The following L3MBTL4 variants were observed in gnomAD, a reference collection of about 807,000 sequenced individuals.
L3MBTL4 encodes the protein lethal(3)malignant brain tumor-like protein 4.
In L3MBTL4, 70 loss-of-function variants were observed where a neutral mutation model predicts 84.5. The observed-to-expected ratio is 0.83, with a 90% CI of 0.68 to 1.01. L3MBTL4 has a LOEUF of 1.01. L3MBTL4 is among the 50% of genes least tolerant of loss of function. The pLI, the probability that L3MBTL4 is intolerant of heterozygous loss-of-function variation, is 0.00. For synonymous variants in L3MBTL4, 274 were observed against 259.8 expected (o/e 1.05, Z -0.52); for missense variants, 715 against 754.8 (o/e 0.95, Z 0.62).
At chr18:6,116,947 T>C (rs1275318138) in intron 14 of L3MBTL4, among the ~76,000 whole-genome samples, 23 of 152,252 alleles carry the variant, frequency 1.5e-4, no homozygotes. Context: ...CATGTATCCC[T>C]ATGCAACACT....
intron 16 of L3MBTL4, among the ~76,000 whole-genome samples, chr18:6,004,997 A>ATG (rs2054398662): frequency 1.9e-5 from 1 of 52,150 alleles, no homozygotes; most frequent in Non-Finnish European, 3.5e-5. Context: ...TAAGATGATA[A>ATG]TTTTTTTTTT....
At chr18:6,239,218 G>A (rs2047348139) in intron 9 of L3MBTL4, among the ~76,000 whole-genome samples, 1 of 150,854 alleles carries the variant, frequency 6.6e-6, no homozygotes, top group South Asian at 2.1e-4. Flanking sequence ...GCGGGCGCCT[G>A]TAGTCCCAGC....
intron 4 of L3MBTL4, among the ~76,000 whole-genome samples, chr18:6,264,448 C>A (rs1038012272): frequency 4.6e-5 from 7 of 152,186 alleles, no homozygotes; most frequent in Non-Finnish European, 8.8e-5. Context: ...TCAATTGGCA[C>A]AACCTGTGGA....
At chr18:6,135,254 C>T (rs112049560) in intron 14 of L3MBTL4, among the ~76,000 whole-genome samples, 2,295 of 152,284 alleles carry the variant, frequency 0.015, 60 homozygotes, top group African/African-American at 0.052. Flanking sequence ...TCCTCCTGGG[C>T]CTCCAGGCCT....
At chr18:6,154,304 C>A (rs1233022407) in intron 13 of L3MBTL4, among the ~76,000 whole-genome samples, 2 of 152,110 alleles carry the variant, frequency 1.3e-5, no homozygotes, top group African/African-American at 4.8e-5. Context: ...TGCAACTATT[C>A]CTAGCTTTAA....
intron 18 of L3MBTL4, among the ~76,000 whole-genome samples, chr18:5,958,038 GAGGAGGAGA>G (rs1308169043): frequency 3.8e-4 from 52 of 138,666 alleles, no homozygotes; most frequent in East Asian, 2.2e-3. Flanking sequence ...AGAGGAGGAG[GAGGAGGAGA>G]AGGAGAAGGA....
chr18:6,195,752 C>A (rs2045347499), intron 12 of L3MBTL4, among the ~76,000 whole-genome samples: 1 of 152,214 alleles, frequency 6.6e-6, no homozygotes, highest in Non-Finnish European at 1.5e-5. Flanking sequence ...TTAATTTCTG[C>A]AGCTGTCTGT....
intron 16 of L3MBTL4, among the ~76,000 whole-genome samples, chr18:6,003,078 A>ATT (rs1194611131): frequency 5.4e-4 from 57 of 106,478 alleles, no homozygotes; most frequent in Admixed American, 8.9e-4. Context: ...TTATAGAGAT[A>ATT]CTATATAAAA....
At chr18:5,967,090 A>G (rs1274712502) in intron 17 of L3MBTL4, among the ~76,000 whole-genome samples, 1 of 152,164 alleles carries the variant, frequency 6.6e-6, no homozygotes, top group Non-Finnish European at 1.5e-5. Flanking sequence ...CATCTTCACA[A>G]AGTGACTTTC....
intron 12 of L3MBTL4, among the ~76,000 whole-genome samples, chr18:6,204,521 T>C (rs1390476602): frequency 1.3e-5 from 2 of 152,232 alleles, no homozygotes; most frequent in African/African-American, 4.8e-5. Flanking sequence ...AAAACATATA[T>C]GTGCATCCAT....
intron 15 of L3MBTL4, among the ~76,000 whole-genome samples, chr18:6,089,985 C>G (rs8089383): frequency 6.6e-6 from 1 of 151,942 alleles, no homozygotes; most frequent in Non-Finnish European, 1.5e-5. Context: ...ATGGGAAGCT[C>G]CAAAGGTTAT....
chr18:6,146,237 A>C (rs1261128090), intron 13 of L3MBTL4, among the ~76,000 whole-genome samples: 2 of 152,214 alleles, frequency 1.3e-5, no homozygotes, highest in Admixed American at 1.3e-4. Flanking sequence ...TGCGCTCTGC[A>C]TCGTGGCTGC....
intron 13 of L3MBTL4, among the ~76,000 whole-genome samples, chr18:6,160,972 G>A (rs1395300085): frequency 6.6e-6 from 1 of 152,164 alleles, no homozygotes; most frequent in Non-Finnish European, 1.5e-5. Flanking sequence ...TGGGATTACA[G>A]TTTCCAAATG....
intron 17 of L3MBTL4, among the ~76,000 whole-genome samples, chr18:5,968,960 G>A (rs2052494429): frequency 6.6e-6 from 1 of 152,162 alleles, no homozygotes; most frequent in Non-Finnish European, 1.5e-5. Flanking sequence ...CAGGGCAACT[G>A]GCAAATGGAT....
At chr18:5,973,629 C>T (rs1211052861) in intron 16 of L3MBTL4, among the ~76,000 whole-genome samples, 1 of 152,154 alleles carries the variant, frequency 6.6e-6, no homozygotes, top group Non-Finnish European at 1.5e-5. Flanking sequence ...ATGATGAAGG[C>T]ATAGACCGTT....
chr18:6,016,945 C>T (rs78317508), intron 16 of L3MBTL4, among the ~76,000 whole-genome samples: 5,455 of 151,964 alleles, frequency 0.036, 340 homozygotes, highest in Admixed American at 0.16. Context: ...GGGGTACCAC[C>T]GCCTCCTGAC....
chr18:6,344,602 G>C (rs2052779818), intron 1 of L3MBTL4, among the ~76,000 whole-genome samples: 1 of 152,032 alleles, frequency 6.6e-6, no homozygotes. Flanking sequence ...AAAATTACAA[G>C]GTAATATCCC....
At chr18:6,332,383 C>T (rs2052084357) in intron 1 of L3MBTL4, among the ~76,000 whole-genome samples, 1 of 152,192 alleles carries the variant, frequency 6.6e-6, no homozygotes, top group Admixed American at 6.5e-5. Context: ...GCCCAACATC[C>T]TCTTTCTTTG....
intron 1 of L3MBTL4, among the ~76,000 whole-genome samples, chr18:6,383,279 C>T (rs969101298): frequency 1.3e-5 from 2 of 152,058 alleles, no homozygotes; most frequent in African/African-American, 4.8e-5. Flanking sequence ...AGCCAGACTC[C>T]TTGGCTCCCT....
Sources: gnomAD v4.1 joint callset for allele counts (sites outside exome capture counted in the v4.1 genomes callset) on GRCh38, gnomAD v4.1.1 for gene constraint, MANE v1.5 for transcripts, NCBI Gene and HGNC (gene_info 2026-07-23, HGNC 2026-07-21) for gene names.